The following TUBGCP3 variants were observed in gnomAD, a reference collection of about 807,000 sequenced individuals.
TUBGCP3 encodes gamma-tubulin complex component 3.
TUBGCP3 carries 50 observed loss-of-function variants against 123.1 expected under a neutral mutation model. The observed-to-expected ratio is 0.41, with a 90% CI of 0.32 to 0.51. The LOEUF (loss-of-function observed/expected upper bound fraction) is 0.51, where lower values mean the gene tolerates loss of function less well. TUBGCP3 is among the 20% of genes least tolerant of loss of function. The probability of loss-of-function intolerance (pLI) is 0.36; values close to 1 mark genes in which losing one functional copy is unlikely to be tolerated. For missense variants in TUBGCP3, 882 were observed against 1,127.0 expected (o/e 0.78, Z 3.11); for synonymous variants, 405 against 413.9 (o/e 0.98, Z 0.26).
chr13:112,507,212 G>A (rs1881362330), intron 17 of TUBGCP3, among the ~76,000 whole-genome samples: 1 of 152,210 alleles, frequency 6.6e-6, no homozygotes, highest in Non-Finnish European at 1.5e-5. Flanking sequence ...CAAGTCACAT[G>A]CCACGACTCG....
intron 9 of TUBGCP3, 137 bp downstream of exon 9, chr13:112,547,971 A>T: frequency 1.1e-6 from 1 of 898,224 alleles, no homozygotes; most frequent in Middle Eastern, 3.7e-4. Context: ...TTGATATTCA[A>T]ACCTTACAAA....
chr13:112,508,080 C>T lies in TUBGCP3; in HGVS notation c.2087-3366G>A, dbSNP rs1006658809. On this transcript the variant is annotated intron_variant, in intron 17 of 21. Transcript: ENST00000261965. This position sits in a 1 kb window ranked among gnomAD's most constrained non-coding sequence, Gnocchi z 4.2. Reference sequence around the variant, plus strand: ...TCCCAGTGCTGCCTGGGGCCTTCCCCTTCTCTCCCTCACTCCCAGCCTCAG... The same window carrying T: ...TCCCAGTGCTGCCTGGGGCCTTCCCTTTCTCTCCCTCACTCCCAGCCTCAG... Among the ~76,000 whole-genome samples the T allele has an allele frequency of 6.6e-6, 1 of 152,138 alleles. No individual in the cohort carries two copies. Among genetic ancestry groups the T allele is most frequent in the African/African-American group, 2.4e-5 (1 of 41,424 alleles).
At chr13:112,492,336 GTCTTT>G (rs1880151314) in intron 20 of TUBGCP3, among the ~76,000 whole-genome samples, 1 of 151,794 alleles carries the variant, frequency 6.6e-6, no homozygotes, top group African/African-American at 2.4e-5. Flanking sequence ...ACCAACTTTT[GTCTTT>G]TATTTCTTTA....
At chr13:112,540,453 C>T (rs1263738658) in intron 11 of TUBGCP3, among the ~76,000 whole-genome samples, 1 of 130,718 alleles carries the variant, frequency 7.7e-6, no homozygotes, top group Non-Finnish European at 1.6e-5. Context: ...GGAATGAGGA[C>T]GTCAATGTAG....
At chr13:112,535,032 T>A (rs1877932864) in intron 11 of TUBGCP3, among the ~76,000 whole-genome samples, 1 of 152,216 alleles carries the variant, frequency 6.6e-6, no homozygotes, top group African/African-American at 2.4e-5. Flanking sequence ...ACGAATGGAA[T>A]CATACAATAT....
intron 17 of TUBGCP3, among the ~76,000 whole-genome samples, chr13:112,510,412 C>A (rs1881604176): frequency 6.6e-6 from 1 of 152,042 alleles, no homozygotes; most frequent in African/African-American, 2.4e-5. Context: ...TAAAAGTGAC[C>A]TTACTGTATT....
rs1463970954 is a variant in TUBGCP3 at position 112,548,167 on chromosome 13, C to T, written c.976G>A (p.Ala326Thr). 4.4e-6 allele frequency: 7 copies of T among 1,601,780 alleles called. No individual in the cohort carries two copies. The East Asian group carries it at 1.6e-4, about 36-fold the overall frequency. Reference protein sequence around the residue: ...SFGLVGQSFCAALHQELREYY... With the variant: ...SFGLVGQSFCTALHQELREYY... ...TCTCTGAGTTCCTGGTGCAAGGCAG[C>T]ACAAAAGCTCTGTTTGGAGGAGAAA... The change falls in exon 9 of 22, where the codon GCT becomes ACT. Residue 326 changes from alanine to threonine, a missense_variant. This residue lies in a region of TUBGCP3 where 713 missense variants were observed against 874.0 expected (regional missense o/e 0.82). Transcript: ENST00000261965.
chr13:112,555,499 T>G (rs1419265690), intron 6 of TUBGCP3, among the ~76,000 whole-genome samples: 1 of 152,232 alleles, frequency 6.6e-6, no homozygotes, highest in African/African-American at 2.4e-5. Flanking sequence ...CTAACTGTAG[T>G]GTTCTCAATA....
intron 1 of TUBGCP3, among the ~76,000 whole-genome samples, chr13:112,584,732 T>A (rs1468306089): frequency 6.6e-6 from 1 of 152,230 alleles, no homozygotes; most frequent in East Asian, 1.9e-4. Context: ...ATTCTTTACC[T>A]CATAGTTAGA....
chr13:112,488,065 G>A (rs1879796381), intron 21 of TUBGCP3, among the ~76,000 whole-genome samples: 1 of 151,296 alleles, frequency 6.6e-6, no homozygotes, highest in African/African-American at 2.4e-5. Context: ...CCAGGAGACG[G>A]GGATTGCAGT....
chr13:112,515,353 G>T (rs1430202457), intron 17 of TUBGCP3, among the ~76,000 whole-genome samples: 2 of 152,126 alleles, frequency 1.3e-5, no homozygotes, highest in East Asian at 1.9e-4. Flanking sequence ...CCTCGTGAAG[G>T]GGGCAGCCAG....
intron 2 of TUBGCP3, 136 bp downstream of exon 2, chr13:112,569,016 G>A: frequency 1.4e-6 from 1 of 714,000 alleles, no homozygotes; most frequent in South Asian, 1.9e-5. Flanking sequence ...CAACAGAATT[G>A]ACTTGTCCTT....
chr13:112,531,804 TAG>T (rs1263746259), intron 11 of TUBGCP3, among the ~76,000 whole-genome samples: 1 of 152,050 alleles, frequency 6.6e-6, no homozygotes, highest in Non-Finnish European at 1.5e-5. Flanking sequence ...GTGAAAAATA[TAG>T]AGTTATAGAG....
At chr13:112,578,377 G>A (rs890058645) in intron 1 of TUBGCP3, among the ~76,000 whole-genome samples, 6 of 150,772 alleles carry the variant, frequency 4.0e-5, no homozygotes, top group African/African-American at 1.5e-4. Flanking sequence ...GGCTAACACG[G>A]TGAAACCCCG....
chr13:112,590,292 C>T (rs1388219979), upstream of TUBGCP3, among the ~76,000 whole-genome samples: 1 of 152,096 alleles, frequency 6.6e-6, no homozygotes, highest in African/African-American at 2.4e-5. Flanking sequence ...TCTTTCTTAA[C>T]GTGCATACAC....
rs369038029 is a variant in TUBGCP3, at chr13:112,516,598, G to A, written c.1951-23C>T. On this transcript the variant is annotated intron_variant, in intron 16 of 21. Transcript: ENST00000261965. ...CACCTGGGATAACAGCAGAAGACAA[G>A]TTGATAGTATTCCCACGTAAGAATC... The A allele has an allele frequency of 4.3e-4, 693 of 1,608,212 alleles. 6 individuals are homozygous for A. In the South Asian group the frequency reaches 4.9e-3, roughly 11 times the overall value.
intron 16 of TUBGCP3, 44 bp downstream of exon 16, chr13:112,518,931 C>T: frequency 6.5e-7 from 1 of 1,535,406 alleles, no homozygotes; most frequent in Non-Finnish European, 9.0e-7. Context: ...GTTTAACAAT[C>T]TTAATAGTTG....
At chr13:112,505,887 C>T (rs1433872607) in intron 17 of TUBGCP3, among the ~76,000 whole-genome samples, 2 of 152,154 alleles carry the variant, frequency 1.3e-5, no homozygotes, top group African/African-American at 4.8e-5. Flanking sequence ...GGACGTACTA[C>T]AGAGAAGGAC....
At chr13:112,507,597 G>T (rs948742562) in intron 17 of TUBGCP3, among the ~76,000 whole-genome samples, 2 of 152,104 alleles carry the variant, frequency 1.3e-5, no homozygotes, top group African/African-American at 4.8e-5. Context: ...GTGCTCTGTG[G>T]GTGACAGAAG....
Sources: gnomAD v4.1 joint callset for allele counts (sites outside exome capture counted in the v4.1 genomes callset) on GRCh38, gnomAD v4.1.1 for gene constraint, gnomAD v4.1.1 regional missense constraint, Gnocchi (gnomAD v3.1) non-coding constraint, MANE v1.5 for transcripts, NCBI Gene and HGNC (gene_info 2026-07-23, HGNC 2026-07-21) for gene names.